SLC44A4: variants seen among roughly 807,000 people sequenced by gnomAD.
SLC44A4 encodes solute carrier family 44 member 4.
A neutral mutation model predicts 97.0 loss-of-function variants in SLC44A4; 74 were observed. The ratio of observed to expected loss-of-function variants is 0.76; its 90% CI spans 0.63 to 0.93. The LOEUF (loss-of-function observed/expected upper bound fraction) is 0.93. SLC44A4 is among the 40% of genes least tolerant of loss of function. The probability of loss-of-function intolerance (pLI) is 0.00; values close to 1 mark genes in which losing one functional copy is unlikely to be tolerated. For missense variants in SLC44A4, 799 were observed against 902.9 expected (o/e 0.88, Z 1.48); for synonymous variants, 325 against 363.8 (o/e 0.89, Z 1.21).
intron 13 of SLC44A4, among the ~76,000 whole-genome samples, chr6:31,867,734 A>G (rs117478982): frequency 0.012 from 1,791 of 152,108 alleles, 23 homozygotes; most frequent in East Asian, 0.065. Flanking sequence ...AAAAAGAAAA[A>G]AAAAAGAAAA....
rs1763467380 is a variant in SLC44A4, at chr6:31,876,801, C to T, written c.89+233G>A. 6.6e-6 allele frequency among the ~76,000 whole-genome samples: 1 copy of T among 152,136 alleles called. No homozygotes were observed. Among genetic ancestry groups the T allele is most frequent in the South Asian group, 2.1e-4 (1 of 4,830 alleles). On this transcript the variant is annotated intron_variant, in intron 2 of 20. Transcript: ENST00000229729. The surrounding 1 kb of genome is among the most constrained non-coding windows in gnomAD (Gnocchi z 4.8). ...GCAAGGGCTCAGCTGGGTGAGTTCTCTCGCTTGTGAAGCCGGCACTTAAGT... is the reference window on the plus strand; with the variant it reads ...GCAAGGGCTCAGCTGGGTGAGTTCTTTCGCTTGTGAAGCCGGCACTTAAGT...
chr6:31,874,561 A>C lies in SLC44A4; in HGVS notation c.469-41T>G, dbSNP rs975637865. On this transcript the variant is annotated intron_variant, in intron 6 of 20. Transcript: ENST00000229729. This position sits in a 1 kb window ranked among gnomAD's most constrained non-coding sequence, Gnocchi z 4.8. ...AAGGACAGACACACAGACACAGAGC[A>C]GGATGAAGAAGCAGGTCCCCTCACC... is the stretch of plus-strand genomic sequence containing the variant. 2 of 1,601,364 alleles carry C rather than the reference A, an allele frequency of 1.2e-6. No homozygotes were observed. Among genetic ancestry groups the C allele is most frequent in the African/African-American group, 2.7e-5 (2 of 74,668 alleles).
In SLC44A4 at chr6:31,863,486, A is replaced by C. The variant is rs1762662332; in HGVS notation, c.*141T>G. 1.6e-6 allele frequency: 2 copies of C among 1,234,980 alleles called. No homozygotes were observed. The highest frequency in any genetic ancestry group is 2.2e-6 in the Non-Finnish European group (2 of 924,050). The allele number at this position is 1,234,980 out of a possible 1,614,324, so 76.5% of individuals were successfully genotyped here. On this transcript the variant is annotated 3_prime_UTR_variant, in exon 21 of 21. Transcript: ENST00000229729. ...GGTGATCCGCCCGCCTCAGCCTCTC[A>C]AAGTGTTGGATTACAGGCGTGAGCC...
In SLC44A4 at chr6:31,878,416, AG is replaced by A. The variant is rs927636442; in HGVS notation, c.40+524del. 2.0e-5 allele frequency among the ~76,000 whole-genome samples: 3 copies of A among 151,420 alleles called. No homozygotes were observed. Among genetic ancestry groups the A allele is most frequent in the African/African-American group, 7.3e-5 (3 of 41,106 alleles). Reference sequence around the variant, plus strand: ...CCAGAGACCCTGGCAGGCAGAGGCCAGCCCACTCAGGGTCCCCTCACTCCTC... The same window carrying A: ...CCAGAGACCCTGGCAGGCAGAGGCCACCCACTCAGGGTCCCCTCACTCCTC... On this transcript the variant is annotated intron_variant, in intron 1 of 20. Coordinates refer to ENST00000229729, the MANE Select transcript of SLC44A4 (RefSeq NM_025257.3). This position sits in a 1 kb window ranked among gnomAD's most constrained non-coding sequence, Gnocchi z 4.0.
rs1444300212 is a variant in SLC44A4, at chr6:31,865,108, G to A, written c.1761-28C>T. ...GTGCCAGAAGTTAGGGCAGGTTGAG[G>A]GTGAGAGGCCTGGCAATGCTGAGAG... On this transcript the variant is annotated intron_variant, in intron 17 of 20. Coordinates refer to ENST00000229729, the MANE Select transcript of SLC44A4 (RefSeq NM_025257.3). The surrounding 1 kb of genome is among the most constrained non-coding windows in gnomAD (Gnocchi z 5.2). 6.2e-7 allele frequency: 1 copy of A among 1,612,104 alleles called. No individual in the cohort carries two copies. Among genetic ancestry groups the A allele is most frequent in the Non-Finnish European group, 8.5e-7 (1 of 1,178,956 alleles).
Position 31,869,545 on chromosome 6 carries a change from A to C in SLC44A4, c.1130T>G (p.Leu377Arg). 1 of 1,599,432 alleles carries C rather than the reference A, an allele frequency of 6.3e-7. No homozygotes were observed. The highest frequency in any genetic ancestry group is 8.5e-7 in the Non-Finnish European group (1 of 1,173,804). ...GGCTGGCTGCGTGGGCAGAGGATAC[A>C]GAGCAGTCATGGCCCAGTAGGCAAT... ...ICIAYWAMTALYLATSGQPQY... is the reference protein window; with the variant it reads ...ICIAYWAMTARYLATSGQPQY... Residue 377 changes from leucine (L) to arginine (R), a missense_variant and splice_region_variant, in exon 12 of 21, where the codon CTG becomes CGG. Transcript: ENST00000229729.
In SLC44A4 at chr6:31,875,920, A is replaced by C. The variant is rs1319222955; in HGVS notation, c.174T>G (p.Tyr58Ter). 15 of 1,613,894 alleles carry C rather than the reference A, an allele frequency of 9.3e-6. No individual in the cohort carries two copies. Among genetic ancestry groups the C allele is most frequent in the Non-Finnish European group, 1.3e-5 (15 of 1,179,956 alleles). ...YIVVGIVAWL[Y>*]GDPRQVLYPR... Reference sequence around the variant, plus strand: ...GGTAGAGGACTTGCCGGGGGTCTCCATACAACCAGGCTGCAGACAGAGGCA... The same window carrying C: ...GGTAGAGGACTTGCCGGGGGTCTCCCTACAACCAGGCTGCAGACAGAGGCA... The change falls in exon 4 of 21, where the codon TAT becomes TAG. Residue 58 changes from tyrosine (Y) to a stop codon, truncating the protein, a stop_gained. Coordinates refer to ENST00000229729, the MANE Select transcript of SLC44A4 (RefSeq NM_025257.3). LOFTEE classifies it high-confidence loss of function.
At chr6:31,872,638 T>C (rs9267653) in intron 7 of SLC44A4, among the ~76,000 whole-genome samples, 108,570 of 151,958 alleles carry the variant, frequency 0.71, 38,940 homozygotes, top group Middle Eastern at 0.81. Flanking sequence ...ACTCAAGTGA[T>C]CCTCCCGCCT....
chr6:31,871,334 C>A lies in SLC44A4; in HGVS notation c.681G>T (p.Gln227His). 1 of 1,614,108 alleles carries A rather than the reference C, an allele frequency of 6.2e-7. No individual in the cohort carries two copies. Among genetic ancestry groups the A allele is most frequent in the Middle Eastern group, 1.6e-4 (1 of 6,062 alleles). ...ISVKIFEDFA[Q>H]SWYWILVALG... ...CTCACACAAGAATCCAATACCAGGA[C>A]TGGGCAAAATCTTCAAAGATCTTAA... The change falls in exon 9 of 21, where the codon CAG (glutamine) becomes CAT (histidine). Residue 227 changes from glutamine to histidine, a missense_variant. Gln to His is a conservative substitution (Grantham distance 24). Transcript: ENST00000229729.
At position 31,863,507 on chromosome 6, in the gene SLC44A4, G is replaced by A; in HGVS notation, c.*120C>T. 7.2e-7 allele frequency: 1 copy of A among 1,386,838 alleles called. No homozygotes were observed. Among genetic ancestry groups the A allele is most frequent in the Non-Finnish European group, 9.5e-7 (1 of 1,047,806 alleles). The allele number at this position is 1,386,838 out of a possible 1,614,324, so 85.9% of individuals were successfully genotyped here. A position where few individuals can be genotyped will look rare whatever the true frequency, so the allele number is the denominator to read the frequency against. Reference sequence around the variant, plus strand: ...TCTCAAAGTGTTGGATTACAGGCGTGAGCCACGGCGCCTGGCCTAAAACCT... The same window carrying A: ...TCTCAAAGTGTTGGATTACAGGCGTAAGCCACGGCGCCTGGCCTAAAACCT... On this transcript the variant is annotated 3_prime_UTR_variant, in exon 21 of 21. Coordinates refer to ENST00000229729, the MANE Select transcript of SLC44A4 (RefSeq NM_025257.3).
At chr6:31,869,704 G>A (rs1479504931) in intron 11 of SLC44A4, 67 bp from the exon 12 acceptor site, 5 of 1,342,548 alleles carry the variant, frequency 3.7e-6, no homozygotes, top group Admixed American at 3.9e-5. Context: ...GGCTGACCCC[G>A]GCCGGGCGCA....
rs534490948 is a variant in SLC44A4 at position 31,876,394 on chromosome 6, G to A, written c.90-265C>T. ...AGCAATTCTCCTGCCTTAGCCTCCC[G>A]AGTAGCTGGGATTACAGGCGCGTGC... On this transcript the variant is annotated intron_variant, in intron 2 of 20. Transcript: ENST00000229729. This position sits in a 1 kb window ranked among gnomAD's most constrained non-coding sequence, Gnocchi z 4.8. 2.0e-5 allele frequency among the ~76,000 whole-genome samples: 3 copies of A among 152,156 alleles called. No homozygotes were observed. The highest frequency in any genetic ancestry group is 2.1e-4 in the South Asian group (1 of 4,828).
chr6:31,864,674 C>G lies in SLC44A4; in HGVS notation c.1989G>C (p.Val663=). ...CACGGAAGCAGAGGAAGAGCGTGTC[C>G]ACACACATGCCGAAAACGCTGAAGA... The part of the protein sequence containing the change: ...SGFFSVFGMC[V]DTLFLCFLED... Residue 663 remains valine (V), a synonymous_variant, in exon 20 of 21, where the codon GTG becomes GTC. Transcript: ENST00000229729. 6.2e-7 allele frequency: 1 copy of G among 1,613,810 alleles called. No homozygotes were observed. Among genetic ancestry groups the G allele is most frequent in the Non-Finnish European group, 8.5e-7 (1 of 1,179,968 alleles).
rs1254577063 is a variant in SLC44A4, at chr6:31,878,152, G to A, written c.40+789C>T. ...AGCTCCCTCTCTCCTCAGAACCCCA[G>A]CCCCTTTTCCTTGCAGATTCTGGAA... is the stretch of plus-strand genomic sequence containing the variant. On this transcript the variant is annotated intron_variant, in intron 1 of 20. Coordinates refer to ENST00000229729, the MANE Select transcript of SLC44A4 (RefSeq NM_025257.3). This position sits in a 1 kb window ranked among gnomAD's most constrained non-coding sequence, Gnocchi z 4.0. The A allele has an allele frequency of 6.6e-6, 1 of 152,216 alleles. No homozygotes were observed. The highest frequency in any genetic ancestry group is 1.5e-5 in the Non-Finnish European group (1 of 68,232). The allele number at this position is 152,216 out of a possible 1,614,324, so 9.4% of individuals were successfully genotyped here.
chr6:31,868,599 C>T (rs1190248649), intron 13 of SLC44A4, among the ~76,000 whole-genome samples: 1 of 152,128 alleles, frequency 6.6e-6, no homozygotes, highest in Non-Finnish European at 1.5e-5. Context: ...GAGTTCAAGA[C>T]CAGCCCGGGT....
rs1248598228 is a variant in SLC44A4, at chr6:31,878,406, G to T, written c.40+535C>A. 6.6e-6 allele frequency among the ~76,000 whole-genome samples: 1 copy of T among 151,668 alleles called. No individual in the cohort carries two copies. Among genetic ancestry groups the T allele is most frequent in the Non-Finnish European group, 1.5e-5 (1 of 67,918 alleles). Reference sequence around the variant, plus strand: ...GCCACTTCTCCCAGAGACCCTGGCAGGCAGAGGCCAGCCCACTCAGGGTCC... The same window carrying T: ...GCCACTTCTCCCAGAGACCCTGGCATGCAGAGGCCAGCCCACTCAGGGTCC... On this transcript the variant is annotated intron_variant, in intron 1 of 20. Coordinates refer to ENST00000229729, the MANE Select transcript of SLC44A4 (RefSeq NM_025257.3). This position sits in a 1 kb window ranked among gnomAD's most constrained non-coding sequence, Gnocchi z 4.0.
chr6:31,870,825 G>A lies in SLC44A4; in HGVS notation c.924C>T (p.Thr308=). Reference sequence around the variant, plus strand: ...CAGGACACTCACGGGCGGCCAGCCAGGTCTCCTGCACGCTCTGGTAGGCAC... The same window carrying A: ...CAGGACACTCACGGGCGGCCAGCCAAGTCTCCTGCACGCTCTGGTAGGCAC... The part of the protein sequence containing the change: ...NLSAYQSVQE[T]WLAALIVLAV... The change falls in exon 10 of 21, where the codon ACC becomes ACT. Residue 308 remains threonine (T), a synonymous_variant. Coordinates refer to ENST00000229729, the MANE Select transcript of SLC44A4 (RefSeq NM_025257.3). The A allele has an allele frequency of 1.2e-6, 2 of 1,613,088 alleles. No homozygotes were observed. Among genetic ancestry groups the A allele is most frequent in the South Asian group, 1.1e-5 (1 of 91,092 alleles).
At chr6:31,864,933 A>T in intron 18 of SLC44A4, 23 bp from the exon 19 acceptor site, 1 of 1,613,762 alleles carries the variant, frequency 6.2e-7, no homozygotes, top group East Asian at 2.2e-5. Context: ...TCTGGGGGTT[A>T]GTGCTGCACC....
At chr6:31,868,305 C>G (rs936306397) in intron 13 of SLC44A4, among the ~76,000 whole-genome samples, 3 of 152,218 alleles carry the variant, frequency 2.0e-5, no homozygotes, top group Admixed American at 2.0e-4. Flanking sequence ...GGAGTCCCAC[C>G]TGGCTACTAC....
Sources: gnomAD v4.1 joint callset for allele counts (sites outside exome capture counted in the v4.1 genomes callset) on GRCh38, gnomAD v4.1.1 for gene constraint, Gnocchi (gnomAD v3.1) non-coding constraint, MANE v1.5 for transcripts, NCBI Gene and HGNC (gene_info 2026-07-23, HGNC 2026-07-21) for gene names.